Variants in DPH6 observed in about 807,000 individuals in gnomAD.
DPH6 encodes diphthamine biosynthesis 6.
A neutral mutation model predicts 38.2 loss-of-function variants in DPH6; 33 were observed. The observed-to-expected ratio is 0.86, with a 90% CI of 0.65 to 1.15. The LOEUF is 1.15. DPH6 is among the 50% of genes most tolerant of loss of function. The pLI is 0.00. For missense variants in DPH6, 325 were observed against 320.0 expected (o/e 1.02, Z -0.12); for synonymous variants, 108 against 103.0 (o/e 1.05, Z -0.30).
rs557474353 is a variant in DPH6 at position 35,451,396 on chromosome 15, T to C, written c.387-593A>G. ...GAATTTAAAACCTCATTTTGTACTC[T>C]AGCTGCATGGCTTTTGAAGTCAAGT... On this transcript the variant is annotated intron_variant, in intron 4 of 8. Transcript: ENST00000256538. 3.9e-5 allele frequency among the ~76,000 whole-genome samples: 6 copies of C among 152,340 alleles called. No individual in the cohort carries two copies. The South Asian group carries it at 1.0e-3, about 26-fold the overall frequency.
In DPH6 at chr15:35,245,308, G is replaced by C. The variant is rs188908075; in HGVS notation, n.201-24726C>G. Reference sequence around the variant, plus strand: ...GGCTGGAGTGCAGTGGTGCCATCTCGGCTCACTGCAAGCTCCGCCTCCCGG... The same window carrying C: ...GGCTGGAGTGCAGTGGTGCCATCTCCGCTCACTGCAAGCTCCGCCTCCCGG... On this transcript the variant is annotated intron_variant and non_coding_transcript_variant, in intron 3 of 3. Coordinates refer to the DPH6 transcript ENST00000560386. 8.5e-3 allele frequency among the ~76,000 whole-genome samples: 1,172 copies of C among 138,224 alleles called. 7 individuals carry two copies. The highest frequency in any genetic ancestry group is 0.012 in the Non-Finnish European group (782 of 66,058). The allele number at this position is 138,224 out of a possible 152,430, so 90.7% of individuals were successfully genotyped here. A position where few individuals can be genotyped will look rare whatever the true frequency, so the allele number is the denominator to read the frequency against.
At chr15:35,282,703 G>C in intron 3 of DPH6, 1 of 381,724 alleles carries the variant, frequency 2.6e-6, no homozygotes. Context: ...ACATTGATGT[G>C]CCATGCCTTA....
intron 7 of DPH6, among the ~76,000 whole-genome samples, chr15:35,378,543 C>T (rs957894120): frequency 1.3e-5 from 2 of 152,100 alleles, no homozygotes; most frequent in African/African-American, 4.8e-5. Flanking sequence ...TTTATTGTGG[C>T]ACCATTCACA....
At chr15:35,365,076 CA>C (rs2052645467) in intron 3 of DPH6, among the ~76,000 whole-genome samples, 1 of 152,002 alleles carries the variant, frequency 6.6e-6, no homozygotes, top group South Asian at 2.1e-4. Context: ...CCCCTTTTCT[CA>C]AACACAACTC....
chr15:35,300,274 A>C (rs1463918180), intron 3 of DPH6, among the ~76,000 whole-genome samples: 1 of 152,208 alleles, frequency 6.6e-6, no homozygotes, highest in African/African-American at 2.4e-5. Context: ...TTTTGTTTTA[A>C]ATGTAACGGA....
intron 3 of DPH6, among the ~76,000 whole-genome samples, chr15:35,270,339 A>G (rs544994631): frequency 1.3e-5 from 2 of 152,236 alleles, no homozygotes; most frequent in Non-Finnish European, 2.9e-5. Context: ...AATGGAGTGC[A>G]TCGGTTCTGC....
intron 3 of DPH6, among the ~76,000 whole-genome samples, chr15:35,285,872 G>GTTATTTTTTTTTTTTTTTTTTTT (rs1555391170): frequency 1.9e-5 from 1 of 52,794 alleles, no homozygotes; most frequent in African/African-American, 7.5e-5. Flanking sequence ...TTATCTTTGA[G>GTTATTTTTTTTTTTTTTTTTTTT]TTTTTTTTTT....
chr15:35,340,219 C>T (rs757703736), intron 3 of DPH6, among the ~76,000 whole-genome samples: 41 of 151,594 alleles, frequency 2.7e-4, no homozygotes, highest in South Asian at 6.3e-4. Context: ...TTTTGGTTTT[C>T]CATTTACTTG....
Position 35,241,488 on chromosome 15 carries a change from T to A in DPH6, n.201-20906A>T, listed in dbSNP as rs969869226. Among the ~76,000 whole-genome samples, 7 of 143,180 alleles carry A rather than the reference T, an allele frequency of 4.9e-5. 2 individuals carry two copies. Among genetic ancestry groups the A allele is most frequent in the Non-Finnish European group, 9.2e-5 (6 of 65,392 alleles). 93.9% of individuals were successfully genotyped at this position (143,180 alleles called of 152,430 possible). ...GGTGCCAACTTAGACAACACTCTTT[T>A]ATGCACTCTTTTTTAGTTATCTCCA... On this transcript the variant is annotated intron_variant and non_coding_transcript_variant, in intron 3 of 3. Transcript: ENST00000560386.
intron 5 of DPH6, among the ~76,000 whole-genome samples, chr15:35,415,735 A>G (rs2053427859): frequency 6.6e-6 from 1 of 152,036 alleles, no homozygotes; most frequent in South Asian, 2.1e-4. Context: ...AGTATTTTCA[A>G]TTTAGTTATT....
the DPH6 span, among the ~76,000 whole-genome samples, chr15:35,186,461 T>G: frequency 1.3e-5 from 2 of 152,180 alleles, no homozygotes; most frequent in African/African-American, 4.8e-5. Flanking sequence ...GGCTCTTAAC[T>G]CATTTCCACA....
At chr15:35,475,766 T>TA (rs915276871) in intron 3 of DPH6, among the ~76,000 whole-genome samples, 5 of 150,740 alleles carry the variant, frequency 3.3e-5, no homozygotes, top group Admixed American at 1.3e-4. Flanking sequence ...AAGAATGAAT[T>TA]AAAAAAAAGC....
At chr15:35,194,610 T>C in the DPH6 span, among the ~76,000 whole-genome samples, 1 of 152,236 alleles carries the variant, frequency 6.6e-6, no homozygotes, top group African/African-American at 2.4e-5. Context: ...CATGTGCTTC[T>C]GTAGTCGAAT....
intron 3 of DPH6, among the ~76,000 whole-genome samples, chr15:35,496,567 A>AAAAAAAAAAAAAAAAAAAT: frequency 6.5e-4 from 20 of 31,004 alleles, no homozygotes; most frequent in African/African-American, 2.7e-3. Flanking sequence ...AAAAAAAAAA[A>AAAAAAAAAAAAAAAAAAAT]ATATATATAT....
intron 3 of DPH6, among the ~76,000 whole-genome samples, chr15:35,353,273 C>T (rs1273555091): frequency 2.0e-5 from 3 of 152,242 alleles, no homozygotes; most frequent in Admixed American, 2.0e-4. Context: ...TGCAGAAGCT[C>T]TTTAGTTTAA....
chr15:35,349,750 C>T (rs556653058), intron 3 of DPH6, among the ~76,000 whole-genome samples: 1 of 152,194 alleles, frequency 6.6e-6, no homozygotes, highest in South Asian at 2.1e-4. Context: ...GGTTTTTGTC[C>T]ATTATTTTGT....
intron 3 of DPH6, among the ~76,000 whole-genome samples, chr15:35,483,794 G>A (rs528336193): frequency 2.6e-5 from 4 of 152,148 alleles, no homozygotes; most frequent in Admixed American, 6.5e-5. Flanking sequence ...TTCAATTTTC[G>A]ATTAATTTGT....
At chr15:35,398,644 G>T (rs1271834142) in intron 6 of DPH6, among the ~76,000 whole-genome samples, 1 of 152,184 alleles carries the variant, frequency 6.6e-6, no homozygotes, top group Non-Finnish European at 1.5e-5. Context: ...ACCAGTAAAT[G>T]TAAGTAAAGT....
intron 3 of DPH6, among the ~76,000 whole-genome samples, chr15:35,511,907 A>C (rs2054778422): frequency 6.6e-6 from 1 of 152,192 alleles, no homozygotes; most frequent in African/African-American, 2.4e-5. Context: ...TATTCTTACA[A>C]ATGAGCTATT....
Sources: allele counts gnomAD v4.1 joint callset (sites outside exome capture counted in the v4.1 genomes callset), GRCh38; gene constraint gnomAD v4.1.1; transcripts MANE v1.5; gene names NCBI Gene and HGNC (gene_info 2026-07-23, HGNC 2026-07-21).